NUP210L: variants seen among roughly 807,000 people sequenced by gnomAD.
The protein encoded by NUP210L is nuclear pore membrane glycoprotein 210-like.
In NUP210L, 74 loss-of-function variants were observed where a neutral mutation model predicts 208.5. That is an observed-to-expected ratio of 0.35 (90% CI 0.29 to 0.43). The LOEUF is 0.43. Ranked by LOEUF, NUP210L falls within the 20% of genes least tolerant of loss-of-function variation. The probability of loss-of-function intolerance (pLI) is 1.00; values close to 1 mark genes in which losing one functional copy is unlikely to be tolerated. For missense variants in NUP210L, 1,843 were observed against 2,289.4 expected (o/e 0.81, Z 3.98); for synonymous variants, 780 against 816.9 (o/e 0.95, Z 0.77).
At chr1:154,112,757 C>T (rs1004184966) in intron 12 of NUP210L, among the ~76,000 whole-genome samples, 2 of 150,138 alleles carry the variant, frequency 1.3e-5, no homozygotes, top group Non-Finnish European at 3.0e-5. Context: ...TTGAAAAGCT[C>T]GGGTGGGAAG....
chr1:154,113,562 A>G (rs916041339), intron 12 of NUP210L, among the ~76,000 whole-genome samples: 1 of 152,170 alleles, frequency 6.6e-6, no homozygotes, highest in Non-Finnish European at 1.5e-5. Context: ...TGTGGCCTGT[A>G]AAGACTAATG....
chr1:154,113,664 C>G (rs572038970), intron 12 of NUP210L, among the ~76,000 whole-genome samples: 1 of 151,236 alleles, frequency 6.6e-6, no homozygotes, highest in East Asian at 2.0e-4. Context: ...TCAACACCAG[C>G]CTGGCCAATA....
intron 34 of NUP210L, among the ~76,000 whole-genome samples, chr1:154,011,348 C>G (rs1046965990): frequency 6.6e-6 from 1 of 150,706 alleles, no homozygotes; most frequent in Non-Finnish European, 1.5e-5. Context: ...CTCAGCCTCC[C>G]GAGTAGCTGG....
chr1:154,111,618 C>G (rs780328640), intron 12 of NUP210L, among the ~76,000 whole-genome samples: 2 of 151,392 alleles, frequency 1.3e-5, no homozygotes, highest in East Asian at 3.9e-4. Flanking sequence ...AGACTAATAA[C>G]AAGTAATGAG....
At position 154,005,783 on chromosome 1, in the gene NUP210L, G is replaced by T. The variant is rs533343981; in HGVS notation, c.4931-3798C>A. On this transcript the variant is annotated intron_variant, in intron 35 of 39. Coordinates refer to ENST00000368559, the Ensembl canonical transcript of NUP210L. ...TTGTTGCCCAGGCTGGAGTGCAATG[G>T]CGTGATCTCAGCTCACTGCAATCTC... Among the ~76,000 whole-genome samples the T allele has an allele frequency of 2.6e-3, 386 of 150,330 alleles. 2 individuals are homozygous for T. The highest frequency in any genetic ancestry group is 7.7e-3 in the African/African-American group (315 of 40,896).
At chr1:154,138,080 AT>A in intron 6 of NUP210L, 25 bp downstream of exon 6, 1 of 1,456,214 alleles carries the variant, frequency 6.9e-7, no homozygotes, top group Non-Finnish European at 9.0e-7. Context: ...AATGTGAGTC[AT>A]AGGAGAAAAA....
intron 27 of NUP210L, among the ~76,000 whole-genome samples, chr1:154,040,781 T>C (rs777570106): frequency 1.6e-4 from 24 of 151,784 alleles, no homozygotes; most frequent in Non-Finnish European, 1.9e-4. Context: ...TTACTAGAGG[T>C]GGGGTTTCAC....
intron 27 of NUP210L, among the ~76,000 whole-genome samples, chr1:154,044,264 G>A (rs887935684): frequency 1.1e-4 from 16 of 151,778 alleles, no homozygotes; most frequent in East Asian, 9.7e-4. Context: ...AAAATTAGCC[G>A]GGCCTGGTGG....
intron 23 of NUP210L, among the ~76,000 whole-genome samples, chr1:154,055,123 T>TTTTCTTTC (rs533438783): frequency 0.014 from 1,598 of 117,184 alleles, 22 homozygotes; most frequent in Non-Finnish European, 0.016. Flanking sequence ...TCTTTCTTTC[T>TTTTCTTTC]TTTCTTTCTT....
At chr1:154,001,913 G>A in exon 36 of NUP210L, 2 of 1,614,112 alleles carry the variant, frequency 1.2e-6, no homozygotes, top group Non-Finnish European at 1.7e-6. Flanking sequence ...ATAGACTGAG[G>A]TGTCAGCCAC....
chr1:154,106,130 G>T (rs1656748089), intron 12 of NUP210L, among the ~76,000 whole-genome samples: 1 of 152,006 alleles, frequency 6.6e-6, no homozygotes, highest in Non-Finnish European at 1.5e-5. Context: ...GCGTGGTGGT[G>T]CATGCCTGTA....
At chr1:154,126,788 A>C (rs1658002497) in intron 9 of NUP210L, among the ~76,000 whole-genome samples, 1 of 152,098 alleles carries the variant, frequency 6.6e-6, no homozygotes, top group Non-Finnish European at 1.5e-5. Flanking sequence ...ACAATACTTC[A>C]CATCTGATAT....
intron 25 of NUP210L, among the ~76,000 whole-genome samples, chr1:154,050,346 C>G (rs1377134453): frequency 6.6e-6 from 1 of 152,198 alleles, no homozygotes; most frequent in East Asian, 1.9e-4. Context: ...TAGCCCTCGA[C>G]AATTAACAAA....
At chr1:154,061,667 C>G (rs775415078) in exon 18 of NUP210L, 1 of 1,592,140 alleles carries the variant, frequency 6.3e-7, no homozygotes, top group Non-Finnish European at 8.6e-7. Context: ...CTTTAAGGAT[C>G]TGATGACCTG....
At chr1:154,073,181 T>A (rs2148016778) in intron 16 of NUP210L, among the ~76,000 whole-genome samples, 1 of 152,270 alleles carries the variant, frequency 6.6e-6, no homozygotes, top group Non-Finnish European at 1.5e-5. Context: ...ATGCTCAGCA[T>A]CACTAATGAT....
intron 25 of NUP210L, among the ~76,000 whole-genome samples, chr1:154,052,664 C>T (rs1181874124): frequency 6.6e-6 from 1 of 152,202 alleles, no homozygotes; most frequent in Non-Finnish European, 1.5e-5. Context: ...GTTACACATG[C>T]TTTCTGATCT....
intron 27 of NUP210L, among the ~76,000 whole-genome samples, chr1:154,043,628 CTT>C (rs898755429): frequency 1.3e-4 from 17 of 131,924 alleles, no homozygotes; most frequent in Non-Finnish European, 1.5e-4. Flanking sequence ...TGCACCCGGC[CTT>C]TTTTTTTTTT....
rs144793659 is a variant in NUP210L, at chr1:154,103,071, C to T, written c.1819+941G>A. Among the ~76,000 whole-genome samples, 311 of 143,234 alleles carry T rather than the reference C, an allele frequency of 2.2e-3. 2 individuals carry two copies. Among genetic ancestry groups the T allele is most frequent in the African/African-American group, 7.8e-3 (298 of 38,328 alleles). 94.0% of individuals were successfully genotyped at this position (143,234 alleles called of 152,430 possible). ...AGCCTGGGTGACACGGTGGTGAGAC[C>T]CTGTCTCTAATAATAATAATAATAA... On this transcript the variant is annotated intron_variant, in intron 13 of 39. Transcript: ENST00000368559.
intron 27 of NUP210L, 123 bp from the exon 28 acceptor site, chr1:154,030,177 G>A (rs1219454212): frequency 1.1e-5 from 7 of 614,226 alleles, no homozygotes; most frequent in Non-Finnish European, 1.8e-5. Flanking sequence ...GGAAAGGGTG[G>A]GAGGGGGCGA....
Sources: allele counts gnomAD v4.1 joint callset (sites outside exome capture counted in the v4.1 genomes callset), GRCh38; gene constraint gnomAD v4.1.1; transcripts MANE v1.5; gene names NCBI Gene and HGNC (gene_info 2026-07-23, HGNC 2026-07-21).